The following ACE variants were observed in gnomAD, a reference collection of about 807,000 sequenced individuals.
ACE encodes angiotensin-converting enzyme.
In ACE, 122 loss-of-function variants were observed where a neutral mutation model predicts 162.3. The observed-to-expected ratio is 0.75, with a 90% CI of 0.65 to 0.87. The LOEUF (loss-of-function observed/expected upper bound fraction) is 0.87. Among genes scored for constraint, ACE ranks in the 40% least tolerant of loss-of-function variants. ACE has a pLI of 0.00. For missense variants in ACE, 1,799 were observed against 1,735.1 expected (o/e 1.04, Z -0.65); for synonymous variants, 796 against 720.6 (o/e 1.10, Z -1.68).
chr17:63,479,473 G>A (rs528982238), intron 3 of ACE, among the ~76,000 whole-genome samples: 4 of 152,240 alleles, frequency 2.6e-5, no homozygotes, highest in East Asian at 1.9e-4. Context: ...GAGCAGCTTC[G>A]AGGAAGGCAC....
intron 12 of ACE, 151 bp from the exon 13 acceptor site, chr17:63,485,084 AG>A (rs2029868338): frequency 8.9e-7 from 1 of 1,128,948 alleles, no homozygotes; most frequent in Non-Finnish European, 1.3e-6. Flanking sequence ...CATGCAGGGG[AG>A]GGGCAGGGTG....
In ACE at chr17:63,489,145, G is replaced by C; in HGVS notation, c.2641+13G>C. 2 of 1,604,702 alleles carry C rather than the reference G, an allele frequency of 1.2e-6. No homozygotes were observed. Among genetic ancestry groups the C allele is most frequent in the Non-Finnish European group, 1.7e-6 (2 of 1,179,920 alleles). ...GCTCACCTGCTGGGTAAGGGCACAT[G>C]TCGGGCCTTGAGGAGGGTAAAGACG... On this transcript the variant is annotated intron_variant, in intron 17 of 24. Transcript: ENST00000290866.
At position 63,477,209 on chromosome 17, in the gene ACE, T is replaced by A; in HGVS notation, c.115T>A (p.Phe39Ile). 1 of 1,490,120 alleles carries A rather than the reference T, an allele frequency of 6.7e-7. No individual in the cohort carries two copies. Among genetic ancestry groups the A allele is most frequent in the Non-Finnish European group, 8.9e-7 (1 of 1,123,862 alleles). 92.3% of individuals were successfully genotyped at this position (1,490,120 alleles called of 1,614,324 possible). A position where few individuals can be genotyped will look rare whatever the true frequency, so the allele number is the denominator to read the frequency against. The change falls in exon 1 of 25, where the codon TTT becomes ATT. Residue 39 changes from phenylalanine (F) to isoleucine (I), a missense_variant. Phe to Ile is a conservative substitution (Grantham distance 21). Transcript: ENST00000290866. The stretch of plus-strand genomic sequence containing the variant: ...GGACCCCGGGCTGCAGCCCGGCAAC[T>A]TTTCTGCTGACGAGGCCGGGGCGCA... ...ALDPGLQPGN[F>I]SADEAGAQLF...
At chr17:63,480,563 C>T (rs566928594) in intron 5 of ACE, 35 bp downstream of exon 5, 18 of 1,610,280 alleles carry the variant, frequency 1.1e-5, no homozygotes, top group African/African-American at 2.7e-5. Context: ...ATGAGTCCCA[C>T]GGAAGTGTGG....
chr17:63,494,760 C>T (rs984746187), intron 22 of ACE, among the ~76,000 whole-genome samples: 1 of 152,226 alleles, frequency 6.6e-6, no homozygotes, highest in Non-Finnish European at 1.5e-5. Flanking sequence ...TTAACCACGA[C>T]TCATGGCTGG....
chr17:63,477,479 C>A, intron 1 of ACE, 136 bp downstream of exon 1: 2 of 664,466 alleles, frequency 3.0e-6, no homozygotes, highest in Non-Finnish European at 3.9e-6. Context: ...CCCCGACAGT[C>A]AGCCGCGGGG....
chr17:63,480,018 C>T (rs2049680686), intron 4 of ACE, 106 bp downstream of exon 4: 1 of 1,491,798 alleles, frequency 6.7e-7, no homozygotes, highest in Non-Finnish European at 9.0e-7. Flanking sequence ...ATGACAATTC[C>T]AGCAGGCCCT....
At position 63,481,638 on chromosome 17, in the gene ACE, C is replaced by T; in HGVS notation, c.1018C>T (p.Pro340Ser). The T allele has an allele frequency of 6.2e-7, 1 of 1,614,090 alleles. No homozygotes were observed. Among genetic ancestry groups the T allele is most frequent in the Non-Finnish European group, 8.5e-7 (1 of 1,180,024 alleles). The change falls in exon 7 of 25, where the codon CCC (proline) becomes TCC (serine). Residue 340 changes from proline to serine, a missense_variant. By Grantham distance (74) the Pro-to-Ser change is moderately conservative. Transcript: ENST00000290866. Reference sequence around the variant, plus strand: ...CTCCCTGGAGCTCTCCCCCATGCCTCCCGAGTTCTGGGAAGGGTCGATGCT... The same window carrying T: ...CTCCCTGGAGCTCTCCCCCATGCCTTCCGAGTTCTGGGAAGGGTCGATGCT... ...FTSLELSPMP[P>S]EFWEGSMLEK...
intron 17 of ACE, 149 bp downstream of exon 17, chr17:63,489,281 T>G (rs1599149861): frequency 1.1e-6 from 1 of 951,342 alleles, no homozygotes. Flanking sequence ...TGGAGGGGGG[T>G]GGGCGCTGGG....
At chr17:63,490,000 T>C (rs1054032768) in intron 17 of ACE, 3 of 152,488 alleles carry the variant, frequency 2.0e-5, no homozygotes, top group African/African-American at 7.2e-5. Flanking sequence ...GGGGCAGAGC[T>C]GGCCTTAGAA....
At chr17:63,486,850 C>T (rs1568041704) in intron 14 of ACE, 135 bp downstream of exon 14, 24 of 1,477,638 alleles carry the variant, frequency 1.6e-5, no homozygotes, top group Non-Finnish European at 2.3e-5. Flanking sequence ...ATGTGCACCT[C>T]AGAACTGCTG....
At chr17:63,485,008 C>T (rs1380322560) in intron 12 of ACE, 1 of 1,610,926 alleles carries the variant, frequency 6.2e-7, no homozygotes, top group Non-Finnish European at 8.5e-7. Context: ...AGGCAACAAC[C>T]AGCAGCCAGA....
chr17:63,485,476 A>AT (rs776758176), intron 13 of ACE, 104 bp downstream of exon 13: 66 of 1,516,170 alleles, frequency 4.4e-5, no homozygotes, highest in Non-Finnish European at 5.4e-5. Flanking sequence ...TAAATTGAAT[A>AT]TTTAAAACAA....
Position 63,494,396 on chromosome 17 carries a change from C to G in ACE, c.3306C>G (p.Pro1102=), listed in dbSNP as rs2030597263. ...SLRLKYQGLC[P]PVPRTQGDFD... is the part of the protein sequence containing the mutation. Reference sequence around the variant, plus strand: ...GGCTGAAGTACCAGGGCCTCTGCCCCCCAGTGCCCAGGACTCAAGGTGACT... The same window carrying G: ...GGCTGAAGTACCAGGGCCTCTGCCCGCCAGTGCCCAGGACTCAAGGTGACT... Residue 1102 remains proline, a synonymous_variant, in exon 22 of 25, where the codon CCC becomes CCG. Coordinates refer to ENST00000290866, the MANE Select transcript of ACE (RefSeq NM_000789.4). 2 of 1,614,050 alleles carry G rather than the reference C, an allele frequency of 1.2e-6. No homozygotes were observed. Among genetic ancestry groups the G allele is most frequent in the East Asian group, 2.2e-5 (1 of 44,896 alleles).
At chr17:63,483,629 T>C (rs1324389664) in intron 10 of ACE, 71 bp downstream of exon 10, 4 of 1,277,446 alleles carry the variant, frequency 3.1e-6, no homozygotes, top group South Asian at 1.2e-5. Context: ...CCTGTGATCC[T>C]AGCTGCCTCA....
chr17:63,494,286 G>A, intron 21 of ACE, 86 bp from the exon 22 acceptor site: 1 of 1,365,404 alleles, frequency 7.3e-7, no homozygotes, highest in Non-Finnish European at 1.0e-6. Context: ...AGCCCCAAGT[G>A]CAGGGACCCT....
At chr17:63,493,727 A>T in intron 20 of ACE, 68 bp downstream of exon 20, 2 of 1,572,096 alleles carry the variant, frequency 1.3e-6, no homozygotes, top group Non-Finnish European at 8.7e-7. Context: ...GGGAGGTGGG[A>T]AAGGGGCACT....
Position 63,494,018 on chromosome 17 carries a change from A to T in ACE, c.3233A>T (p.Asp1078Val). 1 of 1,614,012 alleles carries T rather than the reference A, an allele frequency of 6.2e-7. No homozygotes were observed. The change falls in exon 21 of 25, where the codon GAT becomes GTT. Residue 1078 changes from aspartate to valine, a missense_variant. Asp to Val is a radical substitution (Grantham distance 152). Coordinates refer to ENST00000290866, the MANE Select transcript of ACE (RefSeq NM_000789.4). ...GATCAGTGGCGCTGGAGGGTATTTGATGGAAGCATCACCAAGGAGAACTAT... is the reference window on the plus strand; with the variant it reads ...GATCAGTGGCGCTGGAGGGTATTTGTTGGAAGCATCACCAAGGAGAACTAT... Reference protein sequence around the residue: ...LVDQWRWRVFDGSITKENYNQ... With the variant: ...LVDQWRWRVFVGSITKENYNQ...
rs775982372 is a variant in ACE, at chr17:63,477,194, C to T, written c.100C>T (p.Leu34=). The part of the protein sequence containing the change: ...PQPALALDPG[L]QPGNFSADEA... ...GCCCGCCCTGGCGTTGGACCCCGGG[C>T]TGCAGCCCGGCAACTTTTCTGCTGA... is the stretch of plus-strand genomic sequence containing the variant. Residue 34 remains leucine, a synonymous_variant, in exon 1 of 25, where the codon CTG becomes TTG. Coordinates refer to ENST00000290866, the MANE Select transcript of ACE (RefSeq NM_000789.4). The T allele has an allele frequency of 6.9e-5, 102 of 1,482,468 alleles. 3 individuals carry two copies. The South Asian group carries it at 1.2e-3, about 17-fold the overall frequency. The allele number at this position is 1,482,468 out of a possible 1,614,324, so 91.8% of individuals were successfully genotyped here. A position where few individuals can be genotyped will look rare whatever the true frequency, so the allele number is the denominator to read the frequency against.
Sources: allele counts gnomAD v4.1 joint callset (sites outside exome capture counted in the v4.1 genomes callset), GRCh38; gene constraint gnomAD v4.1.1; transcripts MANE v1.5; gene names NCBI Gene and HGNC (gene_info 2026-07-23, HGNC 2026-07-21).